Variants in CAAP1 observed in about 807,000 individuals in gnomAD.
CAAP1 encodes conserved anti-apoptotic protein.
CAAP1 carries 20 observed loss-of-function variants against 34.0 expected under a neutral mutation model. The ratio of observed to expected loss-of-function variants is 0.59; its 90% CI spans 0.41 to 0.86. CAAP1 has a LOEUF of 0.86. CAAP1 is among the 40% of genes least tolerant of loss of function. The pLI is 0.00. For synonymous variants in CAAP1, 213 were observed against 166.7 expected (o/e 1.28, Z -2.14); for missense variants, 538 against 450.5 (o/e 1.19, Z -1.76).
At position 26,892,561 on chromosome 9, in the gene CAAP1, A is replaced by ACGCTCCCGCAGCCCCCGG. The variant is rs537300337; in HGVS notation, c.137_154dup (p.Ala46_Ser51dup). On this transcript the variant is annotated inframe_insertion, in exon 1 of 6. Transcript: ENST00000333916. The stretch of plus-strand genomic sequence containing the variant: ...AAAATTGGCGTTCCCACAGCAGCTG[A>ACGCTCCCGCAGCCCCCGG]CGCTCCCGCAGCCCCCGGCGCTCCC... 1.7e-5 allele frequency: 27 copies of ACGCTCCCGCAGCCCCCGG among 1,587,982 alleles called. No individual in the cohort carries two copies. In the African/African-American group the frequency reaches 1.9e-4, roughly 11 times the overall value.
intron 5 of CAAP1, among the ~76,000 whole-genome samples, chr9:26,848,634 C>T (rs1323945028): frequency 6.6e-6 from 1 of 152,174 alleles, no homozygotes; most frequent in African/African-American, 2.4e-5. Context: ...TTTAGAGAAT[C>T]CCACAGCTCT....
At chr9:26,851,461 T>C (rs1163413138) in intron 5 of CAAP1, among the ~76,000 whole-genome samples, 2 of 152,138 alleles carry the variant, frequency 1.3e-5, no homozygotes, top group Non-Finnish European at 2.9e-5. Context: ...GTATCCAAAA[T>C]TATTGTCTCT....
At chr9:26,860,426 G>T (rs1016206932) in intron 5 of CAAP1, among the ~76,000 whole-genome samples, 3 of 152,086 alleles carry the variant, frequency 2.0e-5, no homozygotes, top group Non-Finnish European at 4.4e-5. Flanking sequence ...AAAACTTACT[G>T]GTTTTTTCCC....
chr9:26,842,168 T>G lies in CAAP1; in HGVS notation c.*133A>C. The G allele has an allele frequency of 1.6e-6, 1 of 641,864 alleles. No homozygotes were observed. Among genetic ancestry groups the G allele is most frequent in the Non-Finnish European group, 2.6e-6 (1 of 389,678 alleles). The allele number at this position is 641,864 out of a possible 1,614,324, so 39.8% of individuals were successfully genotyped here. A position where few individuals can be genotyped will look rare whatever the true frequency, so the allele number is the denominator to read the frequency against. ...AATAAAAAGAAACAGCCACAGGTAA[T>G]TTAGGGCTAAAATGAGTCCTAATAA... On this transcript the variant is annotated 3_prime_UTR_variant, in exon 6 of 6. Transcript: ENST00000333916.
intron 5 of CAAP1, among the ~76,000 whole-genome samples, chr9:26,847,216 T>A (rs1822635385): frequency 9.6e-6 from 1 of 104,298 alleles, no homozygotes; most frequent in African/African-American, 3.7e-5. Context: ...TTTTTTTTTT[T>A]TTTTTTTTTT....
intron 5 of CAAP1, among the ~76,000 whole-genome samples, chr9:26,853,146 G>A (rs931604481): frequency 1.3e-5 from 2 of 152,146 alleles, no homozygotes; most frequent in African/African-American, 2.4e-5. Flanking sequence ...TAATCAGACT[G>A]CTGTGTGAAA....
At chr9:26,884,438 G>T (rs926661506) in intron 4 of CAAP1, among the ~76,000 whole-genome samples, 17 of 152,242 alleles carry the variant, frequency 1.1e-4, no homozygotes, top group Admixed American at 9.1e-4. Flanking sequence ...ATAGATTATT[G>T]TAATGAGATC....
At chr9:26,871,942 T>TAAATAAAA (rs527835394) in intron 4 of CAAP1, among the ~76,000 whole-genome samples, 20 of 151,470 alleles carry the variant, frequency 1.3e-4, no homozygotes, top group African/African-American at 4.9e-4. Context: ...AATAAATAAA[T>TAAATAAAA]AAAATAAAAA....
intron 4 of CAAP1, among the ~76,000 whole-genome samples, chr9:26,870,879 A>G (rs1049244908): frequency 1.3e-5 from 2 of 152,054 alleles, no homozygotes; most frequent in Non-Finnish European, 2.9e-5. Context: ...GGCCCCCTAA[A>G]GAGCTGGGAT....
At chr9:26,843,693 C>T (rs1429118812) in intron 5 of CAAP1, among the ~76,000 whole-genome samples, 3 of 151,700 alleles carry the variant, frequency 2.0e-5, no homozygotes, top group Non-Finnish European at 4.4e-5. Context: ...AGCTTCTTTA[C>T]AAAACATAGA....
At chr9:26,873,667 A>G (rs1308712815) in intron 4 of CAAP1, among the ~76,000 whole-genome samples, 1 of 152,214 alleles carries the variant, frequency 6.6e-6, no homozygotes, top group African/African-American at 2.4e-5. Flanking sequence ...ATCTCCGATC[A>G]AAGACAACAC....
chr9:26,874,261 A>AC lies in CAAP1; in HGVS notation c.665+10548dup, dbSNP rs1463206108. Among the ~76,000 whole-genome samples the AC allele has an allele frequency of 2.7e-5, 4 of 150,648 alleles. No individual in the cohort carries two copies. The East Asian group carries it at 7.8e-4, about 29-fold the overall frequency. On this transcript the variant is annotated intron_variant, in intron 4 of 5. Coordinates refer to ENST00000333916, the MANE Select transcript of CAAP1 (RefSeq NM_024828.4). ...TTTTTTACAGATACCTACTGGTTGT[A>AC]CTTATTTATGGAGTATATGTGATAT...
chr9:26,881,023 G>GA (rs1384169092), intron 4 of CAAP1, among the ~76,000 whole-genome samples: 2 of 152,026 alleles, frequency 1.3e-5, no homozygotes. Context: ...CATAACTTTA[G>GA]AAAAAACATT....
Position 26,892,460 on chromosome 9 carries a change from T to C in CAAP1, c.256A>G (p.Lys86Glu), listed in dbSNP as rs1774136600. The C allele has an allele frequency of 1.3e-6, 2 of 1,575,780 alleles. No homozygotes were observed. Among genetic ancestry groups the C allele is most frequent in the Non-Finnish European group, 1.7e-6 (2 of 1,162,110 alleles). The stretch of plus-strand genomic sequence containing the variant: ...CTGGAAGAGTCGGTACTCCTCCGCT[T>C]CCGGCGCTCGCTGCGCTCCACGCTG... ...GSSVERSERR[K>E]RRSTDSSSVS... Residue 86 changes from lysine to glutamate, a missense_variant, in exon 1 of 6, where the codon AAG becomes GAG. Lys to Glu is a moderately conservative substitution (Grantham distance 56). Around this residue, in one of 3 missense-constraint regions of CAAP1, gnomAD observed 514 missense variants for 408.4 expected, o/e 1.26. Transcript: ENST00000333916.
intron 1 of CAAP1, 36 bp from the exon 2 acceptor site, chr9:26,887,549 C>T (rs1185872177): frequency 7.9e-7 from 1 of 1,268,050 alleles, no homozygotes; most frequent in South Asian, 1.4e-5. Flanking sequence ...TTAAACAATA[C>T]TACTTAAAAT....
chr9:26,882,123 C>T (rs145927846), intron 4 of CAAP1, among the ~76,000 whole-genome samples: 138 of 152,152 alleles, frequency 9.1e-4, no homozygotes, highest in African/African-American at 2.0e-3. Context: ...GGAAACAGAG[C>T]GTAAAAGTTC....
intron 5 of CAAP1, 62 bp downstream of exon 5, chr9:26,861,004 T>G: frequency 8.2e-7 from 1 of 1,217,856 alleles, no homozygotes; most frequent in East Asian, 2.3e-5. Flanking sequence ...AAATTTATTT[T>G]TGGTAAAATG....
chr9:26,847,195 A>AATATAT (rs1411848935), intron 5 of CAAP1, among the ~76,000 whole-genome samples: 5 of 92,546 alleles, frequency 5.4e-5, no homozygotes, highest in Non-Finnish European at 1.2e-4. Context: ...AGTAAAAAGC[A>AATATAT]ATATTTTTTT....
intron 5 of CAAP1, among the ~76,000 whole-genome samples, chr9:26,852,933 C>T (rs1243525732): frequency 6.6e-6 from 1 of 152,178 alleles, no homozygotes; most frequent in African/African-American, 2.4e-5. Context: ...AAAAGCAAAG[C>T]CTCTGACACA....
Sources: allele counts gnomAD v4.1 joint callset (sites outside exome capture counted in the v4.1 genomes callset), GRCh38; gene constraint gnomAD v4.1.1; regional missense constraint gnomAD v4.1.1; transcripts MANE v1.5; gene names NCBI Gene and HGNC (gene_info 2026-07-23, HGNC 2026-07-21).